ST6GALNAC5: variants seen among roughly 807,000 people sequenced by gnomAD.
The protein encoded by ST6GALNAC5 is alpha-N-acetylgalactosaminide alpha-2,6-sialyltransferase 5.
Under a neutral mutation model 33.6 loss-of-function variants are expected in ST6GALNAC5, and 27 were observed. That is an observed-to-expected ratio of 0.80 (90% CI 0.59 to 1.11). ST6GALNAC5 has a LOEUF of 1.11. Ranked by LOEUF, ST6GALNAC5 falls within the 50% of genes least tolerant of loss-of-function variation. The pLI is 0.00. For synonymous variants in ST6GALNAC5, 194 were observed against 171.2 expected (o/e 1.13, Z -1.04); for missense variants, 428 against 454.0 (o/e 0.94, Z 0.52).
intron 2 of ST6GALNAC5, among the ~76,000 whole-genome samples, chr1:76,953,310 CA>C (rs776222686): frequency 1.3e-5 from 2 of 152,244 alleles, no homozygotes; most frequent in South Asian, 4.1e-4. Context: ...TATGAGAGAT[CA>C]AGCTTCTCTG....
chr1:76,972,352 A>T (rs1557742819), intron 2 of ST6GALNAC5, among the ~76,000 whole-genome samples: 1 of 152,148 alleles, frequency 6.6e-6, no homozygotes, highest in Non-Finnish European at 1.5e-5. Context: ...GAATGATGAG[A>T]TCTACAATTC....
intron 2 of ST6GALNAC5, among the ~76,000 whole-genome samples, chr1:77,043,303 G>A (rs1348132306): frequency 6.6e-6 from 1 of 152,248 alleles, no homozygotes; most frequent in Non-Finnish European, 1.5e-5. Context: ...TGTTTAATTT[G>A]TTAGGACGTA....
chr1:76,916,583 G>A (rs1646977282), intron 2 of ST6GALNAC5, among the ~76,000 whole-genome samples: 1 of 152,036 alleles, frequency 6.6e-6, no homozygotes, highest in African/African-American at 2.4e-5. Context: ...ATTAAAGGAT[G>A]GGAACTTGAA....
intron 2 of ST6GALNAC5, among the ~76,000 whole-genome samples, chr1:77,000,753 T>C (rs986989078): frequency 1.2e-4 from 18 of 151,456 alleles, no homozygotes; most frequent in South Asian, 4.2e-4. Context: ...TAGGGAATCC[T>C]TTCCCCATTG....
chr1:76,909,364 T>C (rs1646891069), intron 2 of ST6GALNAC5, among the ~76,000 whole-genome samples: 1 of 151,410 alleles, frequency 6.6e-6, no homozygotes, highest in Non-Finnish European at 1.5e-5. Context: ...TCTGTAAAAA[T>C]GGGGATTCTG....
chr1:76,949,322 T>A (rs1334592193), intron 2 of ST6GALNAC5, among the ~76,000 whole-genome samples: 2 of 152,180 alleles, frequency 1.3e-5, no homozygotes, highest in Non-Finnish European at 2.9e-5. Context: ...AGAAAGATGA[T>A]GTTCTGAACA....
chr1:76,956,473 C>G (rs1647985777), intron 2 of ST6GALNAC5, among the ~76,000 whole-genome samples: 1 of 152,156 alleles, frequency 6.6e-6, no homozygotes, highest in Non-Finnish European at 1.5e-5. Context: ...CACAGGCTAA[C>G]AAACTTTGTA....
chr1:77,052,277 C>CT (rs1557775590), intron 4 of ST6GALNAC5, among the ~76,000 whole-genome samples: 1 of 152,118 alleles, frequency 6.6e-6, no homozygotes, highest in Admixed American at 6.5e-5. Flanking sequence ...GTCATAAAGC[C>CT]TGTTAAAGGA....
At chr1:77,013,012 A>G (rs1280409835) in intron 2 of ST6GALNAC5, among the ~76,000 whole-genome samples, 2 of 152,180 alleles carry the variant, frequency 1.3e-5, no homozygotes, top group South Asian at 2.1e-4. Context: ...GCTTTGCATT[A>G]TGTCACAAAG....
chr1:77,004,563 C>T lies in ST6GALNAC5; in HGVS notation c.262-39641C>T, dbSNP rs866401021. Among the ~76,000 whole-genome samples, 619 of 136,608 alleles carry T rather than the reference C, an allele frequency of 4.5e-3. 8 individuals carry two copies. Among genetic ancestry groups the T allele is most frequent in the African/African-American group, 0.014 (552 of 40,734 alleles). The allele number at this position is 136,608 out of a possible 152,430, so 89.6% of individuals were successfully genotyped here. A position where few individuals can be genotyped will look rare whatever the true frequency, so the allele number is the denominator to read the frequency against. On this transcript the variant is annotated intron_variant, in intron 2 of 4. Coordinates refer to ENST00000477717, the MANE Select transcript of ST6GALNAC5 (RefSeq NM_030965.3). The stretch of plus-strand genomic sequence containing the variant: ...CTGCGTTCCTTTGGAGGAGGAGAGG[C>T]GCTCTGTGTTTTAGAGTTTCCAGTT...
chr1:77,009,520 C>A (rs891787538), intron 2 of ST6GALNAC5, among the ~76,000 whole-genome samples: 1 of 151,948 alleles, frequency 6.6e-6, no homozygotes, highest in African/African-American at 2.4e-5. Flanking sequence ...GAGAGGGATC[C>A]AAAGGGGAAA....
chr1:76,894,418 C>T (rs1654080235), intron 2 of ST6GALNAC5, among the ~76,000 whole-genome samples: 1 of 152,006 alleles, frequency 6.6e-6, no homozygotes, highest in South Asian at 2.1e-4. Context: ...TGACAGAAGT[C>T]AGCCAAGTGT....
chr1:77,046,142 T>A (rs61782867), intron 3 of ST6GALNAC5, among the ~76,000 whole-genome samples: 14,143 of 152,206 alleles, frequency 0.093, 783 homozygotes, highest in Middle Eastern at 0.13. Flanking sequence ...GAGTCAGACT[T>A]AGTGGTGCAT....
chr1:76,999,971 A>G (rs1463468588), intron 2 of ST6GALNAC5, among the ~76,000 whole-genome samples: 1 of 109,504 alleles, frequency 9.1e-6, no homozygotes, highest in South Asian at 3.4e-4. Flanking sequence ...GTGTCTTTAT[A>G]GCAGCATGAT....
chr1:76,967,445 T>G (rs1050738574), intron 2 of ST6GALNAC5, among the ~76,000 whole-genome samples: 4 of 152,162 alleles, frequency 2.6e-5, no homozygotes, highest in Non-Finnish European at 5.9e-5. Context: ...CCCTTTATCA[T>G]TTTTATTGCA....
intron 2 of ST6GALNAC5, among the ~76,000 whole-genome samples, chr1:76,908,213 AT>A (rs1441048651): frequency 1.3e-5 from 2 of 152,124 alleles, no homozygotes. Flanking sequence ...CTTATAAACA[AT>A]AGAAATGTAT....
intron 2 of ST6GALNAC5, among the ~76,000 whole-genome samples, chr1:76,878,765 G>A (rs558059190): frequency 1.6e-4 from 25 of 152,196 alleles, no homozygotes; most frequent in South Asian, 8.3e-4. Flanking sequence ...ATTTGACTTC[G>A]AAGTTTTCTG....
Position 76,999,760 on chromosome 1 carries a change from G to A in ST6GALNAC5, c.262-44444G>A, listed in dbSNP as rs894212032. On this transcript the variant is annotated intron_variant, in intron 2 of 4. Coordinates refer to ENST00000477717, the MANE Select transcript of ST6GALNAC5 (RefSeq NM_030965.3). Reference sequence around the variant, plus strand: ...GCAGTGTTTGGTTTTTTGTTCTTGCGATAGTTTACTGAGAATGATGATTTC... The same window carrying A: ...GCAGTGTTTGGTTTTTTGTTCTTGCAATAGTTTACTGAGAATGATGATTTC... Among the ~76,000 whole-genome samples the A allele has an allele frequency of 3.4e-5, 5 of 146,028 alleles. No individual in the cohort carries two copies. In the East Asian group the frequency reaches 6.1e-4, roughly 18 times the overall value.
At chr1:76,901,474 G>A (rs1466503620) in intron 2 of ST6GALNAC5, among the ~76,000 whole-genome samples, 1 of 152,178 alleles carries the variant, frequency 6.6e-6, no homozygotes, top group African/African-American at 2.4e-5. Context: ...TGTTCTCAGA[G>A]TCTACCATAG....
Sources: gnomAD v4.1 joint callset for allele counts (sites outside exome capture counted in the v4.1 genomes callset) on GRCh38, gnomAD v4.1.1 for gene constraint, MANE v1.5 for transcripts, NCBI Gene and HGNC (gene_info 2026-07-23, HGNC 2026-07-21) for gene names.